The following RCOR1 variants were observed in gnomAD, a reference collection of about 807,000 sequenced individuals.
RCOR1 encodes REST corepressor.
Under a neutral mutation model 64.0 loss-of-function variants are expected in RCOR1, and 12 were observed. The observed-to-expected ratio is 0.19, with a 90% CI of 0.12 to 0.30. The LOEUF is 0.30. RCOR1 is among the 10% of genes least tolerant of loss of function. The pLI is 1.00. For missense variants in RCOR1, 502 were observed against 621.2 expected (o/e 0.81, Z 2.04); for synonymous variants, 279 against 227.2 (o/e 1.23, Z -2.05).
chr14:102,726,403 A>G, intron 11 of RCOR1, 65 bp from the exon 12 acceptor site: 1 of 1,432,286 alleles, frequency 7.0e-7, no homozygotes, highest in South Asian at 1.2e-5. Flanking sequence ...TACACTGGAA[A>G]TAGCAGCTTG....
At chr14:102,668,245 C>T (rs1438681431) in intron 2 of RCOR1, among the ~76,000 whole-genome samples, 1 of 152,184 alleles carries the variant, frequency 6.6e-6, no homozygotes, top group African/African-American at 2.4e-5. Context: ...ACGTTTAGAA[C>T]ATTTCTTCTG....
At chr14:102,610,148 A>T (rs1216347458) in intron 2 of RCOR1, among the ~76,000 whole-genome samples, 1 of 151,942 alleles carries the variant, frequency 6.6e-6, no homozygotes, top group African/African-American at 2.4e-5. Context: ...AAAAAAAGAG[A>T]AATCGTCCTT....
intron 8 of RCOR1, among the ~76,000 whole-genome samples, chr14:102,718,380 C>G (rs957167459): frequency 6.6e-6 from 1 of 152,182 alleles, no homozygotes; most frequent in Non-Finnish European, 1.5e-5. Flanking sequence ...CCGTGCGTTG[C>G]GTACTGCTCT....
At chr14:102,629,743 G>A (rs1174390902) in intron 2 of RCOR1, among the ~76,000 whole-genome samples, 11 of 152,186 alleles carry the variant, frequency 7.2e-5, no homozygotes, top group Non-Finnish European at 1.5e-4. Context: ...ACGTGTGTGC[G>A]AGTCTGCATA....
intron 8 of RCOR1, among the ~76,000 whole-genome samples, chr14:102,720,077 A>T (rs1289961357): frequency 1.3e-5 from 2 of 152,220 alleles, no homozygotes; most frequent in East Asian, 3.8e-4. Flanking sequence ...AAAAAAATTT[A>T]AAAATTTTCG....
chr14:102,653,998 T>TCTTTCTTTGTTTCTTTCTTTC (rs1595214214), intron 2 of RCOR1, among the ~76,000 whole-genome samples: 1 of 126,596 alleles, frequency 7.9e-6, no homozygotes, highest in Non-Finnish European at 1.6e-5. Context: ...TTTTTTTTTT[T>TCTTTCTTTGTTTCTTTCTTTC]TTTTTGAGAC....
intron 2 of RCOR1, among the ~76,000 whole-genome samples, chr14:102,650,108 G>C (rs912585042): frequency 6.6e-6 from 1 of 150,634 alleles, no homozygotes; most frequent in Non-Finnish European, 1.5e-5. Flanking sequence ...TGAGGCAGGA[G>C]AATGGTGTGA....
chr14:102,691,583 C>T (rs1223374915), intron 3 of RCOR1, among the ~76,000 whole-genome samples: 1 of 152,196 alleles, frequency 6.6e-6, no homozygotes, highest in Non-Finnish European at 1.5e-5. Flanking sequence ...GAGGTTGAAA[C>T]TTGTGATTAA....
In RCOR1 at chr14:102,689,774, C is replaced by G. The variant is rs138247442; in HGVS notation, c.445+7796C>G. Among the ~76,000 whole-genome samples the G allele has an allele frequency of 8.7e-3, 1,327 of 152,248 alleles. 7 individuals carry two copies. Among genetic ancestry groups the G allele is most frequent in the South Asian group, 0.018 (89 of 4,824 alleles). The stretch of plus-strand genomic sequence containing the variant: ...GGCTGATTTTTTTGAGACAGAGTCT[C>G]GCACTGATGCCTGGGCTAGAGTGCA... On this transcript the variant is annotated intron_variant, in intron 3 of 11. Transcript: ENST00000262241.
At chr14:102,670,230 G>A (rs1348118246) in intron 2 of RCOR1, among the ~76,000 whole-genome samples, 1 of 152,130 alleles carries the variant, frequency 6.6e-6, no homozygotes, top group East Asian at 1.9e-4. Context: ...TGGGGTTACA[G>A]GCATGAGCCA....
At chr14:102,593,736 C>G (rs987074957) in intron 2 of RCOR1, among the ~76,000 whole-genome samples, 1 of 152,200 alleles carries the variant, frequency 6.6e-6, no homozygotes, top group Non-Finnish European at 1.5e-5. Context: ...AGACCCCTTT[C>G]TCGGAACCCT....
intron 2 of RCOR1, among the ~76,000 whole-genome samples, chr14:102,675,640 A>G (rs1361110850): frequency 6.6e-6 from 1 of 152,238 alleles, no homozygotes; most frequent in Non-Finnish European, 1.5e-5. Flanking sequence ...GAATGTTTTC[A>G]GACCACAGTT....
intron 2 of RCOR1, among the ~76,000 whole-genome samples, chr14:102,634,871 AT>A (rs757143284): frequency 0.029 from 3,982 of 137,136 alleles, 125 homozygotes; most frequent in African/African-American, 0.084. Flanking sequence ...TAATTTTTGT[AT>A]TTTTTTTTTT....
chr14:102,716,457 A>G (rs1896071923), intron 8 of RCOR1, among the ~76,000 whole-genome samples: 1 of 152,146 alleles, frequency 6.6e-6, no homozygotes, highest in Non-Finnish European at 1.5e-5. Flanking sequence ...TCATGACGAT[A>G]TTCTCTCATG....
intron 2 of RCOR1, among the ~76,000 whole-genome samples, chr14:102,679,645 A>AT (rs1476253537): frequency 6.6e-6 from 1 of 151,856 alleles, no homozygotes; most frequent in Admixed American, 6.6e-5. Context: ...CGCCCGGCTA[A>AT]TTTTTTGTAT....
intron 2 of RCOR1, among the ~76,000 whole-genome samples, chr14:102,650,055 G>A (rs867563842): frequency 4.7e-4 from 71 of 152,090 alleles, no homozygotes; most frequent in Middle Eastern, 3.4e-3. Flanking sequence ...AAAGTTAGCC[G>A]GGTGAGGTGG....
intron 2 of RCOR1, among the ~76,000 whole-genome samples, chr14:102,628,111 T>C (rs1030860448): frequency 6.6e-6 from 1 of 152,102 alleles, no homozygotes; most frequent in Non-Finnish European, 1.5e-5. Context: ...GGTGAGCCAG[T>C]GTCTCAGCTC....
At chr14:102,650,942 C>A in intron 2 of RCOR1, 1 of 752,812 alleles carries the variant, frequency 1.3e-6, no homozygotes, top group Non-Finnish European at 1.6e-6. Context: ...TATCTTATTA[C>A]TAATAATTCC....
At chr14:102,626,666 C>T (rs1241657505) in intron 2 of RCOR1, among the ~76,000 whole-genome samples, 1 of 152,176 alleles carries the variant, frequency 6.6e-6, no homozygotes, top group Non-Finnish European at 1.5e-5. Flanking sequence ...GGTAACAGGG[C>T]TTCTGCCACA....
Sources: gnomAD v4.1 joint callset for allele counts (sites outside exome capture counted in the v4.1 genomes callset) on GRCh38, gnomAD v4.1.1 for gene constraint, MANE v1.5 for transcripts, NCBI Gene and HGNC (gene_info 2026-07-23, HGNC 2026-07-21) for gene names.